Variants in ZNF718 observed in about 807,000 individuals in gnomAD.
The protein encoded by ZNF718 is zinc finger protein 718.
Under a neutral mutation model 2.6 loss-of-function variants are expected in ZNF718, and 3 were observed. The observed-to-expected ratio is 1.16, with a 90% confidence interval of 0.53 to 3.01. ZNF718 has a LOEUF of 3.01. Among genes scored for constraint, ZNF718 ranks in the 30% most tolerant of loss-of-function variants. The probability of loss-of-function intolerance (pLI) is 0.03; values close to 1 mark genes in which losing one functional copy is unlikely to be tolerated. For synonymous variants in ZNF718, 135 were observed against 77.9 expected, an observed-to-expected ratio of 1.73 and a Z score of -3.86; for missense variants, 468 against 230.0, an observed-to-expected ratio of 2.03 and a Z score of -6.69.
intron 3 of ZNF718, among the ~76,000 whole-genome samples, chr4:137,686 C>A (rs930316696): frequency 6.6e-6 from 1 of 152,016 alleles, no homozygotes; most frequent in Admixed American, 6.6e-5. Context: ...AATCATATTA[C>A]TTACTCTTTG....
chr4:152,209 A>C (rs1181226042), intron 3 of ZNF718, among the ~76,000 whole-genome samples: 46 of 145,662 alleles, frequency 3.2e-4, no homozygotes, highest in Middle Eastern at 3.6e-3. Flanking sequence ...AGGGACAGGC[A>C]GGAGACAGAT....
chr4:171,806 C>T (rs1363870043), intron 3 of ZNF718, among the ~76,000 whole-genome samples: 2 of 152,188 alleles, frequency 1.3e-5, no homozygotes, highest in Non-Finnish European at 2.9e-5. Context: ...TGAGGCAATG[C>T]CTCGCCCTGC....
At chr4:170,032 G>C (rs1220813149) in intron 3 of ZNF718, among the ~76,000 whole-genome samples, 1 of 152,100 alleles carries the variant, frequency 6.6e-6, no homozygotes. Flanking sequence ...AGCTCTTTTA[G>C]GGCAGGCCTG....
At chr4:145,237 A>G (rs1378698935) in intron 3 of ZNF718, among the ~76,000 whole-genome samples, 1 of 152,208 alleles carries the variant, frequency 6.6e-6, no homozygotes, top group Non-Finnish European at 1.5e-5. Flanking sequence ...GGAATTATTG[A>G]TGAGAACTTA....
intron 1 of ZNF718, among the ~76,000 whole-genome samples, chr4:127,886 C>T (rs1182232960): frequency 9.5e-6 from 1 of 104,962 alleles, no homozygotes; most frequent in Non-Finnish European, 2.1e-5. Context: ...ATCCTGCCTT[C>T]CTTTTTGCCT....
rs782678747 is a variant in ZNF718, at chr4:142,048, C to T, written c.226+10543C>T. ...AACATAGGAGAAAAACTGTCCTTGC[C>T]ACCCACACTACAACAAAATGTCAGG... On this transcript the variant is annotated intron_variant, in intron 3 of 3. Coordinates refer to ENST00000510175, the MANE Select transcript of ZNF718 (RefSeq NM_001039127.6). 1.5e-5 allele frequency: 8 copies of T among 519,874 alleles called. No homozygotes were observed. The Admixed American group carries it at 1.6e-4, about 10-fold the overall frequency. The allele number at this position is 519,874 out of a possible 1,614,324, so 32.2% of individuals were successfully genotyped here.
chr4:171,076 C>G (rs1390780082), intron 3 of ZNF718, among the ~76,000 whole-genome samples: 1 of 152,210 alleles, frequency 6.6e-6, no homozygotes, highest in Non-Finnish European at 1.5e-5. Flanking sequence ...TCAGGACCCG[C>G]AGCTTCAGGT....
chr4:142,710 A>C (rs1715866968), intron 3 of ZNF718, among the ~76,000 whole-genome samples: 1 of 152,104 alleles, frequency 6.6e-6, no homozygotes, highest in Admixed American at 6.6e-5. Flanking sequence ...TTGACTAAAC[A>C]AAGAGGTACC....
At chr4:195,381 A>G (rs574556779) in intron 3 of ZNF718, among the ~76,000 whole-genome samples, 2 of 152,184 alleles carry the variant, frequency 1.3e-5, no homozygotes, top group African/African-American at 4.8e-5. Context: ...TTTCTCAATC[A>G]CCCGGGAGGA....
intron 3 of ZNF718, among the ~76,000 whole-genome samples, chr4:188,755 AGT>A: frequency 6.6e-6 from 1 of 152,220 alleles, no homozygotes; most frequent in Middle Eastern, 3.4e-3. Flanking sequence ...TTGTGGGAGA[AGT>A]GTGGTTTCCT....
intron 3 of ZNF718, among the ~76,000 whole-genome samples, chr4:158,148 T>C (rs1230195954): frequency 6.6e-6 from 1 of 152,176 alleles, no homozygotes; most frequent in Non-Finnish European, 1.5e-5. Flanking sequence ...TTTTATGAAA[T>C]AGGACAGTTT....
chr4:165,922 A>C (rs191908142), downstream of ZNF718, among the ~76,000 whole-genome samples: 1 of 152,236 alleles, frequency 6.6e-6, no homozygotes, highest in African/African-American at 2.4e-5. Flanking sequence ...ATATGTATAC[A>C]TGTGCACATG....
intron 3 of ZNF718, among the ~76,000 whole-genome samples, chr4:195,692 G>A (rs548259649): frequency 1.2e-4 from 18 of 152,088 alleles, no homozygotes; most frequent in African/African-American, 4.3e-4. Flanking sequence ...AGCAGTTGCC[G>A]CTACAGATTG....
At chr4:167,425 A>G (rs569320242), downstream of ZNF718, among the ~76,000 whole-genome samples, 185 of 152,288 alleles carry the variant, frequency 1.2e-3, no homozygotes, top group African/African-American at 4.2e-3. Context: ...CATTGAATCT[A>G]TAAATTACCT....
At chr4:128,874 TC>T (rs1428733115) in intron 1 of ZNF718, among the ~76,000 whole-genome samples, 1 of 104,328 alleles carries the variant, frequency 9.6e-6, no homozygotes, top group Non-Finnish European at 2.1e-5. Flanking sequence ...CTCAAACTGA[TC>T]AATAAGCTAA....
intron 3 of ZNF718, among the ~76,000 whole-genome samples, chr4:141,665 T>C (rs782285156): frequency 4.3e-4 from 65 of 152,214 alleles, no homozygotes; most frequent in Admixed American, 3.3e-4. Context: ...AATACTAATA[T>C]ATGTTCCAAA....
chr4:174,910 G>C (rs189883120), intron 3 of ZNF718, among the ~76,000 whole-genome samples: 1 of 152,274 alleles, frequency 6.6e-6, no homozygotes, highest in East Asian at 1.9e-4. Flanking sequence ...ATAACCTTCT[G>C]GGAATGTAGA....
intron 3 of ZNF718, among the ~76,000 whole-genome samples, chr4:197,109 A>G (rs1581489120): frequency 1.1e-5 from 1 of 89,948 alleles, no homozygotes; most frequent in East Asian, 2.1e-4. Context: ...TCAAGAAAAA[A>G]GAAACATTTT....
chr4:160,635 T>C (rs1266048705), intron 3 of ZNF718, among the ~76,000 whole-genome samples: 7 of 152,146 alleles, frequency 4.6e-5, no homozygotes, highest in Admixed American at 1.3e-4. Context: ...TGGAAGCCTC[T>C]ACCTCCCGGG....
Sources: allele counts gnomAD v4.1 joint callset (sites outside exome capture counted in the v4.1 genomes callset), GRCh38; gene constraint gnomAD v4.1.1; transcripts MANE v1.5; gene names NCBI Gene and HGNC (gene_info 2026-07-23, HGNC 2026-07-21).